Variants in SPTBN1 observed in about 807,000 individuals in gnomAD.
The protein encoded by SPTBN1 is spectrin beta, non-erythrocytic 1.
In SPTBN1, 32 loss-of-function variants were observed where a neutral mutation model predicts 266.4. That is an observed-to-expected ratio of 0.12 (90% CI 0.09 to 0.16). The LOEUF (loss-of-function observed/expected upper bound fraction) is 0.16. Among genes scored for constraint, SPTBN1 ranks in the 10% least tolerant of loss-of-function variants. The pLI is 1.00. For missense variants in SPTBN1, 2,296 were observed against 3,067.1 expected (o/e 0.75, Z 5.94); for synonymous variants, 1,336 against 1,162.2 (o/e 1.15, Z -3.04).
rs1371890820 is a variant in SPTBN1 at position 54,645,688 on chromosome 2, C to T, written c.4494+235C>T. ...AGGATTTTAATGGCCCTAAAACAGA[C>T]TTTTTAAAAGTAATGAGGACTCACA... On this transcript the variant is annotated intron_variant, in intron 21 of 35. Transcript: ENST00000356805. The surrounding 1 kb of genome is among the most constrained non-coding windows in gnomAD (Gnocchi z 4.3). 6.6e-6 allele frequency among the ~76,000 whole-genome samples: 1 copy of T among 152,120 alleles called. No homozygotes were observed. Among genetic ancestry groups the T allele is most frequent in the Non-Finnish European group, 1.5e-5 (1 of 68,028 alleles).
intron 1 of SPTBN1, among the ~76,000 whole-genome samples, chr2:54,491,908 C>T (rs981227631): frequency 6.6e-6 from 1 of 152,110 alleles, no homozygotes; most frequent in East Asian, 1.9e-4. Context: ...TTGTTTCTCT[C>T]TTTTTTAAAT....
rs371432962 is a variant in SPTBN1, at chr2:54,664,724, G to A, written c.6659+33G>A. ...CAGCAGAGGCTGCCACAGTAAGATGGGAAGTCAGCCTGTGAAGGGATAAGG... is the reference window on the plus strand; with the variant it reads ...CAGCAGAGGCTGCCACAGTAAGATGAGAAGTCAGCCTGTGAAGGGATAAGG... On this transcript the variant is annotated intron_variant, in intron 33 of 35. Transcript: ENST00000356805. This position sits in a 1 kb window ranked among gnomAD's most constrained non-coding sequence, Gnocchi z 5.6. The A allele has an allele frequency of 3.9e-5, 62 of 1,606,038 alleles. No individual in the cohort carries two copies. Among genetic ancestry groups the A allele is most frequent in the African/African-American group, 5.4e-5 (4 of 74,688 alleles).
rs1426296541 is a variant in SPTBN1, at chr2:54,487,832, C to CTCTTTTTTTTTTTTTTTTT, written c.-48+31315_-48+31316insCTTTTTTTTTTTTTTTTTT. Among the ~76,000 whole-genome samples the CTCTTTTTTTTTTTTTTTTT allele has an allele frequency of 7.3e-3, 498 of 68,646 alleles. 53 individuals carry two copies. Among genetic ancestry groups the CTCTTTTTTTTTTTTTTTTT allele is most frequent in the African/African-American group, 9.2e-3 (168 of 18,164 alleles). 45.0% of individuals were successfully genotyped at this position (68,646 alleles called of 152,430 possible). Reference sequence around the variant, plus strand: ...TTCACTTGATGGTCTCCTCCTGTGTCTTTTTTTTTTTTTTTGAGACGGAGT... The same window carrying CTCTTTTTTTTTTTTTTTTT: ...TTCACTTGATGGTCTCCTCCTGTGTCTCTTTTTTTTTTTTTTTTTTTTTTTTTTTTTTTTGAGACGGAGT... On this transcript the variant is annotated intron_variant, in intron 1 of 35. Coordinates refer to ENST00000356805, the MANE Select transcript of SPTBN1 (RefSeq NM_003128.3).
chr2:54,518,709 A>G (rs929143940), intron 1 of SPTBN1, among the ~76,000 whole-genome samples: 10 of 152,206 alleles, frequency 6.6e-5, no homozygotes, highest in African/African-American at 2.4e-4. Flanking sequence ...TAATTGTTAC[A>G]TAGTTTTCTT....
chr2:54,556,424 C>A (rs1413835940), intron 2 of SPTBN1, among the ~76,000 whole-genome samples: 1 of 152,162 alleles, frequency 6.6e-6, no homozygotes, highest in Non-Finnish European at 1.5e-5. Flanking sequence ...AAAATTATTT[C>A]ATGTACTAAC....
intron 5 of SPTBN1, 37 bp downstream of exon 5, chr2:54,616,335 T>C: frequency 6.3e-7 from 1 of 1,584,330 alleles, no homozygotes; most frequent in South Asian, 1.1e-5. Flanking sequence ...GGCTGCTTCT[T>C]CCAGGACTGA....
intron 1 of SPTBN1, among the ~76,000 whole-genome samples, chr2:54,522,658 A>G (rs1008174558): frequency 0.034 from 2,735 of 79,912 alleles, 111 homozygotes; most frequent in Middle Eastern, 0.048. Flanking sequence ...GAGAGAGAGA[A>G]AGAGAGAGAG....
At chr2:54,605,773 C>G (rs1425997803) in intron 3 of SPTBN1, among the ~76,000 whole-genome samples, 2 of 152,200 alleles carry the variant, frequency 1.3e-5, no homozygotes, top group African/African-American at 4.8e-5. Flanking sequence ...TCCCACTCCT[C>G]TCGTATAGTA....
rs760133356 is a variant in SPTBN1 at position 54,629,689 on chromosome 2, A to G, written c.2555A>G (p.Tyr852Cys). 1.9e-6 allele frequency: 3 copies of G among 1,613,894 alleles called. No individual in the cohort carries two copies. In the South Asian group the frequency reaches 3.3e-5, roughly 18 times the overall value. The change falls in exon 14 of 36, where the codon TAC (tyrosine) becomes TGC (cysteine). Residue 852 changes from tyrosine (Y) to cysteine (C), a missense_variant. Transcript: ENST00000356805. The part of the protein sequence containing the change: ...KQALQDTLAL[Y>C]KMFSEADACE... ...GCACTCCAGGACACTCTGGCCCTGT[A>G]CAAGATGTTCAGCGAGGCTGATGCC...
At chr2:54,519,704 A>G (rs1670319202) in intron 1 of SPTBN1, among the ~76,000 whole-genome samples, 1 of 152,118 alleles carries the variant, frequency 6.6e-6, no homozygotes, top group Non-Finnish European at 1.5e-5. Flanking sequence ...AGGGGGATAA[A>G]ATAACTGGAA....
chr2:54,635,790 CAT>C (rs1171213135), intron 17 of SPTBN1, among the ~76,000 whole-genome samples: 1 of 152,182 alleles, frequency 6.6e-6, no homozygotes, highest in Non-Finnish European at 1.5e-5. Context: ...AACTCCAACT[CAT>C]ATTATCTCCT....
Position 54,630,965 on chromosome 2 carries a change from A to T in SPTBN1, c.2918A>T (p.Glu973Val). ...AATGAAACCAAATCCTGGATTCGGGAAAAGACCAAGGTCATCGAGTCCACC... is the reference window on the plus strand; with the variant it reads ...AATGAAACCAAATCCTGGATTCGGGTAAAGACCAAGGTCATCGAGTCCACC... ...ECNETKSWIR[E>V]KTKVIESTQD... Residue 973 changes from glutamate to valine, a missense_variant, in exon 16 of 36, where the codon GAA becomes GTA. Around this residue, in one of 12 missense-constraint regions of SPTBN1, gnomAD observed 128 missense variants for 176.5 expected, o/e 0.73. Coordinates refer to ENST00000356805, the MANE Select transcript of SPTBN1 (RefSeq NM_003128.3). 6.2e-7 allele frequency: 1 copy of T among 1,614,164 alleles called. No individual in the cohort carries two copies. The highest frequency in any genetic ancestry group is 8.5e-7 in the Non-Finnish European group (1 of 1,180,036).
At chr2:54,497,711 C>T (rs1480461257) in intron 1 of SPTBN1, among the ~76,000 whole-genome samples, 1 of 152,110 alleles carries the variant, frequency 6.6e-6, no homozygotes, top group Non-Finnish European at 1.5e-5. Context: ...TTGATGCCAC[C>T]AAAAACCTCA....
At chr2:54,508,186 A>G (rs1479503269) in intron 1 of SPTBN1, among the ~76,000 whole-genome samples, 2 of 152,176 alleles carry the variant, frequency 1.3e-5, no homozygotes, top group Admixed American at 1.3e-4. Context: ...ATCGGACTGT[A>G]TAGAGGTGAG....
At position 54,617,605 on chromosome 2, in the gene SPTBN1, C is replaced by T. The variant is rs1318349901; in HGVS notation, c.567-3C>T. 1 of 1,613,998 alleles carries T rather than the reference C, an allele frequency of 6.2e-7. No homozygotes were observed. The highest frequency in any genetic ancestry group is 1.1e-5 in the South Asian group (1 of 91,072). ...CTTTTCCCTTCTGCTTTGTCCTTGG[C>T]AGGTACCCCAATGTCAACATTCACA... On this transcript the variant is annotated splice_region_variant and splice_polypyrimidine_tract_variant and intron_variant, in intron 5 of 35. Coordinates refer to ENST00000356805, the MANE Select transcript of SPTBN1 (RefSeq NM_003128.3).
Position 54,666,108 on chromosome 2 carries a change from A to G in SPTBN1, c.6833+20A>G. On this transcript the variant is annotated intron_variant, in intron 34 of 35. Transcript: ENST00000356805. The stretch of plus-strand genomic sequence containing the variant: ...GCTAAGGTGAGAGTCGCCGTGCTTC[A>G]TGGCTGCCAGAGTGGGTTTGCATTT... The G allele has an allele frequency of 1.3e-6, 2 of 1,596,466 alleles. No homozygotes were observed. The highest frequency in any genetic ancestry group is 1.7e-6 in the Non-Finnish European group (2 of 1,171,640).
At position 54,631,538 on chromosome 2, in the gene SPTBN1, TC is replaced by T. The variant is rs751927537; in HGVS notation, c.3493del (p.Leu1165TyrfsTer51). On this transcript the variant is annotated frameshift_variant, in exon 16 of 36. Coordinates refer to ENST00000356805, the MANE Select transcript of SPTBN1 (RefSeq NM_003128.3). LOFTEE classifies it high-confidence loss of function. ...AAGATGTGGGAGAACAGACAAAATC[TC>T]CTATCCCAGTCACATGCCTACCAGC... ...LHKMWENRQN[L>X]LSQSHAYQQF... The T allele has an allele frequency of 6.2e-7, 1 of 1,614,130 alleles. No individual in the cohort carries two copies. Among genetic ancestry groups the T allele is most frequent in the Non-Finnish European group, 8.5e-7 (1 of 1,180,020 alleles).
In SPTBN1 at chr2:54,633,426, C is replaced by CCT. The variant is rs999343767; in HGVS notation, c.3767+658_3767+659insCT. Among the ~76,000 whole-genome samples the CCT allele has an allele frequency of 5.4e-3, 700 of 129,944 alleles. 5 individuals are homozygous for CCT. The highest frequency in any genetic ancestry group is 7.0e-3 in the Non-Finnish European group (414 of 58,974). The allele number at this position is 129,944 out of a possible 152,430, so 85.2% of individuals were successfully genotyped here. A position where few individuals can be genotyped will look rare whatever the true frequency, so the allele number is the denominator to read the frequency against. On this transcript the variant is annotated intron_variant, in intron 17 of 35. Coordinates refer to ENST00000356805, the MANE Select transcript of SPTBN1 (RefSeq NM_003128.3). ...TTATTTACGTGTGTGTGTGTGTGTG[C>CCT]GTGTGTGTGTCTGTCTGTCTGTCTG...
Position 54,625,924 on chromosome 2 carries a change from C to T in SPTBN1, c.1342-8C>T. On this transcript the variant is annotated splice_region_variant and splice_polypyrimidine_tract_variant and intron_variant, in intron 11 of 35. Transcript: ENST00000356805. ...TATTTTCCTTCTTTTCATTCCGTTT[C>T]TCTGTAGGACAACTTTGGGTTTGAC... The T allele has an allele frequency of 6.2e-7, 1 of 1,609,784 alleles. No homozygotes were observed. Among genetic ancestry groups the T allele is most frequent in the Non-Finnish European group, 8.5e-7 (1 of 1,176,372 alleles).
Sources: gnomAD v4.1 joint callset for allele counts (sites outside exome capture counted in the v4.1 genomes callset) on GRCh38, gnomAD v4.1.1 for gene constraint, gnomAD v4.1.1 regional missense constraint, Gnocchi (gnomAD v3.1) non-coding constraint, MANE v1.5 for transcripts, NCBI Gene and HGNC (gene_info 2026-07-23, HGNC 2026-07-21) for gene names.